The following ADGRA3 variants were observed in gnomAD, a reference collection of about 807,000 sequenced individuals.
ADGRA3 encodes adhesion G protein-coupled receptor A3.
Under a neutral mutation model 119.8 loss-of-function variants are expected in ADGRA3, and 56 were observed. The ratio of observed to expected loss-of-function variants is 0.47; its 90% CI spans 0.38 to 0.58. The LOEUF (loss-of-function observed/expected upper bound fraction) is 0.58, where lower values mean the gene tolerates loss of function less well. ADGRA3 is among the 20% of genes least tolerant of loss of function. The pLI is 0.00. For synonymous variants in ADGRA3, 607 were observed against 623.8 expected, an observed-to-expected ratio of 0.97 and a Z score of 0.40; for missense variants, 1,516 against 1,649.0, an observed-to-expected ratio of 0.92 and a Z score of 1.40.
chr4:22,398,634 CT>C (rs1714471963), intron 16 of ADGRA3, among the ~76,000 whole-genome samples: 1 of 151,102 alleles, frequency 6.6e-6, no homozygotes, highest in Non-Finnish European at 1.5e-5. Context: ...TGATTTTTAC[CT>C]TTATTAAAAA....
At chr4:22,418,837 A>T (rs975680807) in intron 12 of ADGRA3, among the ~76,000 whole-genome samples, 2 of 152,166 alleles carry the variant, frequency 1.3e-5, no homozygotes, top group African/African-American at 2.4e-5. Context: ...AATGGTGAAA[A>T]GAGAGGTCTG....
intron 1 of ADGRA3, among the ~76,000 whole-genome samples, chr4:22,482,640 G>A (rs1718292769): frequency 6.6e-6 from 1 of 152,108 alleles, no homozygotes; most frequent in Non-Finnish European, 1.5e-5. Flanking sequence ...ACTCCAGCCT[G>A]GGCCACAGAG....
At chr4:22,484,946 T>C (rs1718384597) in intron 1 of ADGRA3, among the ~76,000 whole-genome samples, 1 of 152,214 alleles carries the variant, frequency 6.6e-6, no homozygotes, top group South Asian at 2.1e-4. Context: ...TTCTTAATTC[T>C]GCTTCAAAAT....
At chr4:22,421,184 G>T in intron 11 of ADGRA3, 95 bp from the exon 12 acceptor site, 1 of 925,776 alleles carries the variant, frequency 1.1e-6, no homozygotes, top group Non-Finnish European at 1.6e-6. Context: ...CTATGCATTA[G>T]CCAAACCAGA....
intron 1 of ADGRA3, among the ~76,000 whole-genome samples, chr4:22,495,130 T>C (rs1305806574): frequency 6.6e-6 from 1 of 152,018 alleles, no homozygotes; most frequent in Non-Finnish European, 1.5e-5. Flanking sequence ...TTATGATCCA[T>C]CCATCTAATA....
chr4:22,408,556 A>G (rs1000352596), intron 14 of ADGRA3, among the ~76,000 whole-genome samples: 1 of 152,194 alleles, frequency 6.6e-6, no homozygotes, highest in African/African-American at 2.4e-5. Context: ...CTCAACATCA[A>G]TAGTCACCAG....
chr4:22,479,903 C>G (rs1204142211), intron 1 of ADGRA3, among the ~76,000 whole-genome samples: 1 of 152,090 alleles, frequency 6.6e-6, no homozygotes, highest in African/African-American at 2.4e-5. Context: ...GAACAGAAAA[C>G]CAAATACCTC....
At chr4:22,440,169 A>G (rs1202110034) in intron 7 of ADGRA3, among the ~76,000 whole-genome samples, 6 of 152,118 alleles carry the variant, frequency 3.9e-5, no homozygotes, top group Admixed American at 1.3e-4. Context: ...CCCAAACACT[A>G]TAATGGAGTG....
At chr4:22,463,492 T>G (rs891550691) in intron 2 of ADGRA3, among the ~76,000 whole-genome samples, 20 of 152,128 alleles carry the variant, frequency 1.3e-4, no homozygotes, top group African/African-American at 4.1e-4. Context: ...CAGTTTGCCT[T>G]CTCCATCCTC....
At position 22,406,057 on chromosome 4, in the gene ADGRA3, C is replaced by T. The variant is rs118108967; in HGVS notation, c.2233-3258G>A. Among the ~76,000 whole-genome samples, 891 of 152,252 alleles carry T rather than the reference C, an allele frequency of 5.9e-3. 16 individuals are homozygous for T. The highest frequency in any genetic ancestry group is 0.045 in the East Asian group (232 of 5,164). On this transcript the variant is annotated intron_variant, in intron 14 of 18. Coordinates refer to ENST00000334304, the MANE Select transcript of ADGRA3 (RefSeq NM_145290.4). ...TTCAGCTCCCACATATGAGTGAAAA[C>T]ATGCACTATTTGTCATTCTGTACCT...
chr4:22,490,564 C>T (rs1718588711), intron 1 of ADGRA3, among the ~76,000 whole-genome samples: 1 of 151,906 alleles, frequency 6.6e-6, no homozygotes, highest in African/African-American at 2.4e-5. Flanking sequence ...AGCAGAAATA[C>T]AAAAACAGAC....
intron 2 of ADGRA3, among the ~76,000 whole-genome samples, chr4:22,467,835 C>T (rs1459017785): frequency 1.3e-5 from 2 of 152,062 alleles, no homozygotes; most frequent in Non-Finnish European, 2.9e-5. Flanking sequence ...AATCTGAATA[C>T]ATTGGATCAT....
intron 1 of ADGRA3, among the ~76,000 whole-genome samples, chr4:22,483,456 C>G (rs1284345623): frequency 3.9e-5 from 6 of 152,156 alleles, no homozygotes; most frequent in Admixed American, 3.9e-4. Flanking sequence ...CAGCCTTATT[C>G]CTGCTTAAGT....
intron 1 of ADGRA3, 107 bp from the exon 2 acceptor site, chr4:22,473,950 T>C (rs1717948991): frequency 6.6e-6 from 4 of 602,158 alleles, no homozygotes; most frequent in Non-Finnish European, 8.3e-6. Flanking sequence ...ACATCATTTA[T>C]TAGCCAGAAT....
intron 9 of ADGRA3, among the ~76,000 whole-genome samples, chr4:22,435,792 T>G (rs1194133446): frequency 6.6e-6 from 1 of 152,232 alleles, no homozygotes; most frequent in Admixed American, 6.5e-5. Context: ...AAGCCTTTCC[T>G]GAGTATTCCT....
chr4:22,493,800 T>G (rs777373679), intron 1 of ADGRA3, among the ~76,000 whole-genome samples: 1 of 152,044 alleles, frequency 6.6e-6, no homozygotes, highest in South Asian at 2.1e-4. Flanking sequence ...TTCTAAGTCA[T>G]AGGATAAAAA....
intron 10 of ADGRA3, among the ~76,000 whole-genome samples, chr4:22,428,209 C>T (rs1371450217): frequency 6.6e-6 from 1 of 152,012 alleles, no homozygotes; most frequent in Non-Finnish European, 1.5e-5. Context: ...GTTAAATACT[C>T]CTAGGTTGAG....
intron 2 of ADGRA3, among the ~76,000 whole-genome samples, chr4:22,467,347 C>T (rs1717697435): frequency 6.6e-6 from 1 of 152,164 alleles, no homozygotes. Context: ...ATCTCCCTCC[C>T]TGCAACTCCC....
chr4:22,449,910 G>C (rs1464445813), intron 4 of ADGRA3, among the ~76,000 whole-genome samples: 1 of 151,406 alleles, frequency 6.6e-6, no homozygotes, highest in Non-Finnish European at 1.5e-5. Flanking sequence ...CATATTATTA[G>C]ATATTTCCCT....
Sources: gnomAD v4.1 joint callset for allele counts (sites outside exome capture counted in the v4.1 genomes callset) on GRCh38, gnomAD v4.1.1 for gene constraint, MANE v1.5 for transcripts, NCBI Gene and HGNC (gene_info 2026-07-23, HGNC 2026-07-21) for gene names.